The following MPP7 variants were observed in gnomAD, a reference collection of about 807,000 sequenced individuals.
MPP7 encodes the protein MAGUK p55 scaffold protein 7.
In MPP7, 60 loss-of-function variants were observed where a neutral mutation model predicts 76.5. The ratio of observed to expected loss-of-function variants is 0.78; its 90% CI spans 0.64 to 0.97. MPP7 has a LOEUF of 0.97. Ranked by LOEUF, MPP7 falls within the 50% of genes least tolerant of loss-of-function variation. MPP7 has a pLI of 0.00. For synonymous variants in MPP7, 237 were observed against 244.5 expected (o/e 0.97, Z 0.29); for missense variants, 641 against 694.0 (o/e 0.92, Z 0.86).
At chr10:28,139,929 GGTTAACAGGTTGTATATT>G (rs1835459629) in intron 5 of MPP7, among the ~76,000 whole-genome samples, 1 of 152,004 alleles carries the variant, frequency 6.6e-6, no homozygotes, top group South Asian at 2.1e-4. Flanking sequence ...ATATTAAAAA[GGTTAACAGGTTGTATATT>G]GTGATAAAAA....
chr10:28,112,395 A>G (rs1834533125), intron 11 of MPP7, among the ~76,000 whole-genome samples: 1 of 152,248 alleles, frequency 6.6e-6, no homozygotes, highest in South Asian at 2.1e-4. Flanking sequence ...GATAAAAGCC[A>G]TACCACAAAA....
chr10:28,071,004 C>T (rs142112951), intron 12 of MPP7, among the ~76,000 whole-genome samples: 46 of 152,290 alleles, frequency 3.0e-4, no homozygotes, highest in African/African-American at 1.1e-3. Context: ...GGTAGAGTCC[C>T]ATCTCTTCCC....
intron 2 of MPP7, among the ~76,000 whole-genome samples, chr10:28,223,082 C>G (rs1181261496): frequency 6.6e-6 from 1 of 151,336 alleles, no homozygotes; most frequent in Non-Finnish European, 1.5e-5. Context: ...TGCAGTGAGC[C>G]GGGATCGCAC....
chr10:28,243,152 TTCTTG>T (rs1839324743), intron 1 of MPP7, among the ~76,000 whole-genome samples: 1 of 152,132 alleles, frequency 6.6e-6, no homozygotes, highest in Non-Finnish European at 1.5e-5. Context: ...GGCAAACATT[TTCTTG>T]AAGATAAATA....
intron 3 of MPP7, among the ~76,000 whole-genome samples, chr10:28,191,432 A>C (rs2133947234): frequency 1.3e-5 from 2 of 152,350 alleles, no homozygotes; most frequent in South Asian, 4.1e-4. Flanking sequence ...GATCAAATTA[A>C]TTATATACAG....
At chr10:28,260,705 G>T (rs978656035) in intron 1 of MPP7, among the ~76,000 whole-genome samples, 1 of 148,558 alleles carries the variant, frequency 6.7e-6, no homozygotes, top group Non-Finnish European at 1.5e-5. Context: ...CTAGGAGGCG[G>T]AGGTTGCAGT....
chr10:28,217,127 T>A (rs575727257), intron 2 of MPP7, among the ~76,000 whole-genome samples: 2 of 152,190 alleles, frequency 1.3e-5, no homozygotes, highest in Non-Finnish European at 1.5e-5. Context: ...AATACACTTT[T>A]ATCTTCCATT....
At chr10:28,201,442 T>C (rs1218983564) in intron 3 of MPP7, among the ~76,000 whole-genome samples, 1 of 152,160 alleles carries the variant, frequency 6.6e-6, no homozygotes, top group Non-Finnish European at 1.5e-5. Context: ...TTCTTTCAGC[T>C]TGAGTTAGAT....
rs34142647 is a variant in MPP7, at chr10:28,327,382, GAA to G, written c.-132+2545_-132+2546del. Among the ~76,000 whole-genome samples, 830 of 150,594 alleles carry G rather than the reference GAA, an allele frequency of 5.5e-3. 12 individuals are homozygous for G. The highest frequency in any genetic ancestry group is 0.02 in the African/African-American group (811 of 41,204). On this transcript the variant is annotated intron_variant, in intron 2 of 11. Coordinates refer to the MPP7 transcript ENST00000441595. ...AAGAATTGAAAAAGATTTGCAGCTG[GAA>G]AAAAAAAATTTATATTTCTTCTCAT...
chr10:28,258,382 T>TTA (rs59151395), intron 1 of MPP7, among the ~76,000 whole-genome samples: 13,802 of 141,084 alleles, frequency 0.098, 729 homozygotes, highest in Non-Finnish European at 0.13. Context: ...ATATTAAATA[T>TTA]TATATATATA....
chr10:28,115,168 T>C (rs925181002), intron 11 of MPP7, among the ~76,000 whole-genome samples: 1 of 152,150 alleles, frequency 6.6e-6, no homozygotes, highest in Non-Finnish European at 1.5e-5. Context: ...AATGGCACAA[T>C]CTCGGCTCAC....
intron 3 of MPP7, among the ~76,000 whole-genome samples, chr10:28,154,745 T>TGGC (rs1554842921): frequency 1.5e-5 from 2 of 135,314 alleles, no homozygotes. Flanking sequence ...TTAGTTGGGG[T>TGGC]GGGGGGTGGT....
chr10:28,308,616 T>C (rs1019839665), intron 2 of MPP7, among the ~76,000 whole-genome samples: 1 of 152,164 alleles, frequency 6.6e-6, no homozygotes, highest in Non-Finnish European at 1.5e-5. Flanking sequence ...TTTTGGAATG[T>C]CACACCTATT....
chr10:28,281,032 T>A (rs1840655742), intron 1 of MPP7, among the ~76,000 whole-genome samples: 1 of 151,976 alleles, frequency 6.6e-6, no homozygotes, highest in South Asian at 2.1e-4. Context: ...TAATTTAGAC[T>A]CAGTGTGGTA....
At chr10:28,324,724 G>A (rs1035465512) in intron 2 of MPP7, among the ~76,000 whole-genome samples, 17 of 152,180 alleles carry the variant, frequency 1.1e-4, no homozygotes, top group Admixed American at 3.9e-4. Context: ...AAAAACTGAT[G>A]AGCATAGATG....
At chr10:28,251,523 C>T (rs767829417) in intron 1 of MPP7, among the ~76,000 whole-genome samples, 11 of 151,790 alleles carry the variant, frequency 7.2e-5, no homozygotes, top group Admixed American at 2.6e-4. Context: ...CCCTCTGAAC[C>T]AACAATAGCT....
intron 2 of MPP7, among the ~76,000 whole-genome samples, chr10:28,310,660 T>A (rs1224977330): frequency 1.3e-5 from 2 of 152,204 alleles, no homozygotes; most frequent in Non-Finnish European, 2.9e-5. Flanking sequence ...ATACAAGCAC[T>A]GAGATGCTAA....
chr10:28,109,866 A>AAAAAAAAAAAAAAAAAAG (rs1834447005), intron 11 of MPP7, among the ~76,000 whole-genome samples: 1 of 147,864 alleles, frequency 6.8e-6, no homozygotes, highest in Non-Finnish European at 1.5e-5. Flanking sequence ...AAAAAAAAAA[A>AAAAAAAAAAAAAAAAAAG]AAAAAAACAC....
At chr10:28,147,136 A>G (rs1156735286) in intron 5 of MPP7, among the ~76,000 whole-genome samples, 1 of 152,214 alleles carries the variant, frequency 6.6e-6, no homozygotes, top group Non-Finnish European at 1.5e-5. Context: ...TATGTTTGTC[A>G]AACATATTGG....
Sources: gnomAD v4.1 joint callset for allele counts (sites outside exome capture counted in the v4.1 genomes callset) on GRCh38, gnomAD v4.1.1 for gene constraint, MANE v1.5 for transcripts, NCBI Gene and HGNC (gene_info 2026-07-23, HGNC 2026-07-21) for gene names.